The following BMP3 variants were observed in gnomAD, a reference collection of about 807,000 sequenced individuals.
BMP3 encodes the protein bone morphogenetic protein 3 (osteogenic).
Under a neutral mutation model 38.1 loss-of-function variants are expected in BMP3, and 23 were observed. The ratio of observed to expected loss-of-function variants is 0.60; its 90% confidence interval spans 0.43 to 0.86. The LOEUF (loss-of-function observed/expected upper bound fraction) is 0.86. Among genes scored for constraint, BMP3 ranks in the 40% least tolerant of loss-of-function variants. The probability of loss-of-function intolerance (pLI) is 0.00; values close to 1 mark genes in which losing one functional copy is unlikely to be tolerated. For missense variants in BMP3, 628 were observed against 579.6 expected, an observed-to-expected ratio of 1.08 and a Z score of -0.86; for synonymous variants, 258 against 225.7, an observed-to-expected ratio of 1.14 and a Z score of -1.28.
At chr4:81,049,063 G>A (rs1740337070) in intron 2 of BMP3, among the ~76,000 whole-genome samples, 1 of 152,148 alleles carries the variant, frequency 6.6e-6, no homozygotes, top group Admixed American at 6.5e-5. Flanking sequence ...GGGTCAAATA[G>A]TAAATAGTAA....
chr4:81,040,576 A>G (rs1010351912), intron 1 of BMP3, among the ~76,000 whole-genome samples: 1 of 152,202 alleles, frequency 6.6e-6, no homozygotes, highest in African/African-American at 2.4e-5. Context: ...TTGGAAAATA[A>G]TTCTCATATC....
At chr4:81,039,375 C>T (rs1424773774) in intron 1 of BMP3, among the ~76,000 whole-genome samples, 1 of 152,178 alleles carries the variant, frequency 6.6e-6, no homozygotes, top group Non-Finnish European at 1.5e-5. Context: ...TAAAATCAGA[C>T]TTTACATAGA....
At chr4:81,035,296 G>T (rs999973766) in intron 1 of BMP3, among the ~76,000 whole-genome samples, 13 of 151,898 alleles carry the variant, frequency 8.6e-5, no homozygotes, top group African/African-American at 2.9e-4. Context: ...TTGTTGTTTA[G>T]CTAGAAACAC....
chr4:81,046,750 T>C, intron 2 of BMP3, 102 bp downstream of exon 2: 2 of 1,331,078 alleles, frequency 1.5e-6, no homozygotes, highest in Non-Finnish European at 2.1e-6. Context: ...TAAGTGTTTG[T>C]GTTTCCATTT....
chr4:81,033,565 A>C lies in BMP3; in HGVS notation c.316+1965A>C, dbSNP rs867320497. On this transcript the variant is annotated intron_variant, in intron 1 of 2. Transcript: ENST00000282701. The stretch of plus-strand genomic sequence containing the variant: ...AGACTGTCTTAATGACTTATTCATC[A>C]AATGTAGACACTGGTTTTTGTGGAA... 5.3e-5 allele frequency among the ~76,000 whole-genome samples: 8 copies of C among 152,212 alleles called. No individual in the cohort carries two copies. In the South Asian group the frequency reaches 1.0e-3, roughly 20 times the overall value.
In BMP3 at chr4:81,053,452, C is replaced by A. The variant is rs749306299; in HGVS notation, c.1335C>A (p.Leu445=). The stretch of plus-strand genomic sequence containing the variant: ...GTGTACCAGAAAAGATGTCCTCACT[C>A]AGTATTTTATTCTTTGATGAAAATA... The part of the protein sequence containing the change: ...PCCVPEKMSS[L]SILFFDENKN... Residue 445 remains leucine, a synonymous_variant, in exon 3 of 3, where the codon CTC becomes CTA. Transcript: ENST00000282701. The A allele has an allele frequency of 3.1e-6, 5 of 1,610,918 alleles. No individual in the cohort carries two copies. The highest frequency in any genetic ancestry group is 3.4e-6 in the Non-Finnish European group (4 of 1,178,362).
At chr4:81,051,955 G>A (rs1381848619) in intron 2 of BMP3, among the ~76,000 whole-genome samples, 1 of 151,878 alleles carries the variant, frequency 6.6e-6, no homozygotes. Flanking sequence ...GATATTAAAA[G>A]ATGGGATGAG....
intron 2 of BMP3, among the ~76,000 whole-genome samples, chr4:81,051,490 G>T (rs1253943889): frequency 6.6e-6 from 1 of 152,050 alleles, no homozygotes; most frequent in Non-Finnish European, 1.5e-5. Flanking sequence ...TAAAATAACA[G>T]AATAATTTTG....
At chr4:81,046,724 A>G in intron 2 of BMP3, 76 bp downstream of exon 2, 1 of 1,470,294 alleles carries the variant, frequency 6.8e-7, no homozygotes, top group South Asian at 1.4e-5. Flanking sequence ...GTTAGTGTGC[A>G]TATAGGGGGT....
At chr4:81,045,695 G>T in intron 1 of BMP3, 43 bp from the exon 2 acceptor site, 1 of 1,433,926 alleles carries the variant, frequency 7.0e-7, no homozygotes, top group Non-Finnish European at 9.5e-7. Flanking sequence ...TGAAGTAATG[G>T]TCTTGTTTTC....
At chr4:81,032,035 C>T (rs1403842800) in intron 1 of BMP3, among the ~76,000 whole-genome samples, 1 of 152,130 alleles carries the variant, frequency 6.6e-6, no homozygotes, top group East Asian at 1.9e-4. Flanking sequence ...CATTTTATGC[C>T]AATGCCAGGA....
chr4:81,046,043 A>G lies in BMP3; in HGVS notation c.622A>G (p.Lys208Glu). ...TAAAGATATCACTCAACTCTTGAGG[A>G]AGGCCAAAGAAAATGAAGAGTTCCT... is the stretch of plus-strand genomic sequence containing the variant. ...LSKDITQLLR[K>E]AKENEEFLIG... The change falls in exon 2 of 3, where the codon AAG becomes GAG. Residue 208 changes from lysine to glutamate, a missense_variant. Coordinates refer to ENST00000282701, the MANE Select transcript of BMP3 (RefSeq NM_001201.5). The G allele has an allele frequency of 1.2e-6, 2 of 1,614,166 alleles. No homozygotes were observed. The highest frequency in any genetic ancestry group is 1.7e-6 in the Non-Finnish European group (2 of 1,180,018).
rs924557314 is a variant in BMP3, at chr4:81,048,749, G to T, written c.1227+2101G>T. 2.6e-5 allele frequency among the ~76,000 whole-genome samples: 4 copies of T among 152,196 alleles called. No homozygotes were observed. In the East Asian group the frequency reaches 5.8e-4, roughly 22 times the overall value. ...AGGAGAGAAGTATGTTAGTGCAGAA[G>T]AATAATTAAATGTACACGCTTGGTC... On this transcript the variant is annotated intron_variant, in intron 2 of 2. Transcript: ENST00000282701.
chr4:81,036,197 T>G (rs1578293905), intron 1 of BMP3, among the ~76,000 whole-genome samples: 2 of 152,148 alleles, frequency 1.3e-5, no homozygotes, highest in South Asian at 4.1e-4. Flanking sequence ...AAAGAAAAGC[T>G]AGTTTATTTG....
intron 2 of BMP3, among the ~76,000 whole-genome samples, chr4:81,048,511 G>T (rs1026605536): frequency 6.6e-6 from 1 of 152,136 alleles, no homozygotes; most frequent in African/African-American, 2.4e-5. Context: ...CTGTTAGTTT[G>T]CTTTTGAACC....
At chr4:81,047,138 G>T (rs1740273123) in intron 2 of BMP3, among the ~76,000 whole-genome samples, 1 of 152,164 alleles carries the variant, frequency 6.6e-6, no homozygotes, top group Non-Finnish European at 1.5e-5. Context: ...CCCCACAGAG[G>T]TCAGGATCAG....
At chr4:81,032,074 G>A (rs1449527713) in intron 1 of BMP3, among the ~76,000 whole-genome samples, 1 of 151,552 alleles carries the variant, frequency 6.6e-6, no homozygotes, top group Non-Finnish European at 1.5e-5. Flanking sequence ...TGAATAAGAC[G>A]CCTTCCCCTC....
At chr4:81,050,542 A>G (rs1740376670) in intron 2 of BMP3, among the ~76,000 whole-genome samples, 1 of 152,156 alleles carries the variant, frequency 6.6e-6, no homozygotes, top group African/African-American at 2.4e-5. Context: ...GGAATTTTGC[A>G]AAAGCTATAA....
At position 81,046,286 on chromosome 4, in the gene BMP3, C is replaced by T. The variant is rs779660778; in HGVS notation, c.865C>T (p.Arg289Cys). 5 of 1,614,022 alleles carry T rather than the reference C, an allele frequency of 3.1e-6. No individual in the cohort carries two copies. The highest frequency in any genetic ancestry group is 2.7e-5 in the African/African-American group (2 of 75,010). The change falls in exon 2 of 3, where the codon CGC becomes TGC. Residue 289 changes from arginine to cysteine, a missense_variant. Physicochemically the swap from Arg to Cys is radical, Grantham distance 180. Transcript: ENST00000282701. ...CCTTTCCATTGAGCGGAGGAAGAAG[C>T]GCTCTACTGGGGTCTTGCTGCCTCT... The part of the protein sequence containing the change: ...AALSIERRKK[R>C]STGVLLPLQN...
Sources: allele counts gnomAD v4.1 joint callset (sites outside exome capture counted in the v4.1 genomes callset), GRCh38; gene constraint gnomAD v4.1.1; transcripts MANE v1.5; gene names NCBI Gene and HGNC (gene_info 2026-07-23, HGNC 2026-07-21).